The following TET2 variants were observed in gnomAD, a reference collection of about 807,000 sequenced individuals.
TET2 encodes methylcytosine dioxygenase TET2.
A neutral mutation model predicts 142.9 loss-of-function variants in TET2; 299 were observed. That is an observed-to-expected ratio of 2.09 (90% CI 1.90 to 2.30). TET2 has a LOEUF of 2.30. Among genes scored for constraint, TET2 ranks in the 30% most tolerant of loss-of-function variants. The probability of loss-of-function intolerance (pLI) is 0.00; values close to 1 mark genes in which losing one functional copy is unlikely to be tolerated. For missense variants in TET2, 2,418 were observed against 2,378.0 expected (o/e 1.02, Z -0.35); for synonymous variants, 819 against 849.0 (o/e 0.96, Z 0.61).
Position 105,235,329 on chromosome 4 carries a change from CCTAAT to C in TET2, c.1389_1393del (p.Asn464IlefsTer13). The C allele has an allele frequency of 6.2e-7, 1 of 1,614,068 alleles. No individual in the cohort carries two copies. The highest frequency in any genetic ancestry group is 8.5e-7 in the Non-Finnish European group (1 of 1,179,990). On this transcript the variant is annotated frameshift_variant, in exon 3 of 11. Transcript: ENST00000380013. LOFTEE classifies it high-confidence loss of function. ...ACCTGAGGCACCACCTTCCCAGAGT[CCTAAT>C]CCATCTACACATGTATGCAGCCCTT... is the stretch of plus-strand genomic sequence containing the variant.
At chr4:105,175,793 A>G (rs1481659923) in intron 1 of TET2, among the ~76,000 whole-genome samples, 3 of 152,188 alleles carry the variant, frequency 2.0e-5, no homozygotes, top group Admixed American at 1.3e-4. Flanking sequence ...TCAGAAAATC[A>G]AAGATTAAAA....
In TET2 at chr4:105,236,260, G is replaced by A. The variant is rs2110232952; in HGVS notation, c.2318G>A (p.Gly773Glu). 1.2e-6 allele frequency: 2 copies of A among 1,614,096 alleles called. No homozygotes were observed. The highest frequency in any genetic ancestry group is 1.3e-5 in the African/African-American group (1 of 75,030). ...AGCAACAATGATCAGCAAAGAGAAG[G>A]ATCATTCTTTGGCCAGACTAAAGTG... ...PQSNNDQQRE[G>E]SFFGQTKVEE... Residue 773 changes from glycine (G) to glutamate (E), a missense_variant, in exon 3 of 11, where the codon GGA becomes GAA. By Grantham distance (98) the Gly-to-Glu change is moderately conservative. Coordinates refer to ENST00000380013, the MANE Select transcript of TET2 (RefSeq NM_001127208.3).
chr4:105,229,460 G>A (rs191512769), intron 2 of TET2, among the ~76,000 whole-genome samples: 2 of 152,154 alleles, frequency 1.3e-5, no homozygotes, highest in East Asian at 1.9e-4. Flanking sequence ...ACAGGCATGC[G>A]CCACCATGCC....
chr4:105,151,072 C>T (rs924147368), intron 1 of TET2, among the ~76,000 whole-genome samples: 1 of 152,110 alleles, frequency 6.6e-6, no homozygotes, highest in African/African-American at 2.4e-5. Context: ...GTAATCCTAG[C>T]ACTTTGGGAG....
At chr4:105,270,871 CAG>C (rs930339327) in intron 9 of TET2, among the ~76,000 whole-genome samples, 1 of 152,046 alleles carries the variant, frequency 6.6e-6, no homozygotes, top group Non-Finnish European at 1.5e-5. Flanking sequence ...AATATGGAAA[CAG>C]ATATCAGGAA....
At chr4:105,159,015 A>G (rs1033218749) in intron 1 of TET2, among the ~76,000 whole-genome samples, 14 of 152,010 alleles carry the variant, frequency 9.2e-5, no homozygotes, top group Admixed American at 4.6e-4. Context: ...TACAAACACC[A>G]TCCTAGGATT....
chr4:105,193,236 A>G (rs981661116), intron 2 of TET2, among the ~76,000 whole-genome samples: 3 of 152,122 alleles, frequency 2.0e-5, no homozygotes, highest in African/African-American at 7.2e-5. Context: ...GAGGGGAAAC[A>G]GCATGAAATG....
Position 105,275,172 on chromosome 4 carries a change from A to C in TET2, c.4662A>C (p.Thr1554=), listed in dbSNP as rs1160112889. 1.3e-6 allele frequency: 2 copies of C among 1,552,080 alleles called. No homozygotes were observed. Among genetic ancestry groups the C allele is most frequent in the Admixed American group, 3.9e-5 (2 of 50,976 alleles). ...PQQQQPHHPQ[T]ESVNSYSASG... ...AGCAGCAGCCACATCACCCTCAGAC[A>C]GAGTCTGTCAACTCTTATTCTGCTT... Residue 1554 remains threonine, a synonymous_variant, in exon 11 of 11, where the codon ACA becomes ACC. Coordinates refer to ENST00000380013, the MANE Select transcript of TET2 (RefSeq NM_001127208.3).
chr4:105,165,338 T>A (rs1268232406), intron 1 of TET2, among the ~76,000 whole-genome samples: 1 of 152,108 alleles, frequency 6.6e-6, no homozygotes, highest in Non-Finnish European at 1.5e-5. Context: ...ATCGTGCCAT[T>A]GCACTCCAGC....
chr4:105,202,079 A>G (rs898710287), intron 2 of TET2, among the ~76,000 whole-genome samples: 1 of 152,060 alleles, frequency 6.6e-6, no homozygotes, highest in Non-Finnish European at 1.5e-5. Context: ...TCTGTCTTCC[A>G]GGTTTTTATG....
chr4:105,265,614 G>A (rs1730647407), intron 8 of TET2, among the ~76,000 whole-genome samples: 1 of 152,122 alleles, frequency 6.6e-6, no homozygotes, highest in African/African-American at 2.4e-5. Flanking sequence ...TATGAGGTTA[G>A]ATAGACAAAT....
chr4:105,244,594 T>C (rs71591755), intron 6 of TET2, among the ~76,000 whole-genome samples: 22,771 of 114,990 alleles, frequency 0.2, 2,913 homozygotes, highest in Non-Finnish European at 0.28. Flanking sequence ...ATGTTTTTTT[T>C]TTTTTTTTTT....
At chr4:105,261,350 A>C (rs1730416550) in intron 7 of TET2, among the ~76,000 whole-genome samples, 1 of 152,150 alleles carries the variant, frequency 6.6e-6, no homozygotes, top group South Asian at 2.1e-4. Flanking sequence ...AATTATTTAA[A>C]TACTATCTTT....
intron 1 of TET2, among the ~76,000 whole-genome samples, chr4:105,147,198 T>C (rs1232305420): frequency 6.6e-6 from 1 of 152,226 alleles, no homozygotes; most frequent in Admixed American, 6.5e-5. Flanking sequence ...TGTGTTCTCT[T>C]CTCTCCTCCT....
At chr4:105,220,721 C>G (rs1170085510) in intron 2 of TET2, among the ~76,000 whole-genome samples, 1 of 152,162 alleles carries the variant, frequency 6.6e-6, no homozygotes, top group African/African-American at 2.4e-5. Flanking sequence ...CGAATACTGG[C>G]TTTCTTGACA....
intron 2 of TET2, among the ~76,000 whole-genome samples, chr4:105,205,835 T>C (rs2110526941): frequency 6.6e-6 from 1 of 152,192 alleles, no homozygotes; most frequent in East Asian, 1.9e-4. Flanking sequence ...AGTTTCTCCA[T>C]GTTGGTCAGG....
At chr4:105,267,816 GAT>G (rs1167431095) in intron 8 of TET2, among the ~76,000 whole-genome samples, 11 of 151,488 alleles carry the variant, frequency 7.3e-5, no homozygotes, top group Non-Finnish European at 1.6e-4. Context: ...AAATTAAAAA[GAT>G]ATTTTTAACA....
In TET2 at chr4:105,276,634, G is replaced by A. The variant is rs1322713874; in HGVS notation, c.*115G>A. 3 of 1,252,342 alleles carry A rather than the reference G, an allele frequency of 2.4e-6. No homozygotes were observed. The highest frequency in any genetic ancestry group is 3.0e-5 in the African/African-American group (2 of 65,720). 77.6% of individuals were successfully genotyped at this position (1,252,342 alleles called of 1,614,324 possible). Reference sequence around the variant, plus strand: ...GGTCACAGTATTCATGACAAATGTGGTGGGAAAAACCTCAGCTCACCAGCA... The same window carrying A: ...GGTCACAGTATTCATGACAAATGTGATGGGAAAAACCTCAGCTCACCAGCA... On this transcript the variant is annotated 3_prime_UTR_variant, in exon 11 of 11. Coordinates refer to ENST00000380013, the MANE Select transcript of TET2 (RefSeq NM_001127208.3).
At chr4:105,176,875 GC>G (rs1377092021) in intron 1 of TET2, among the ~76,000 whole-genome samples, 2 of 152,112 alleles carry the variant, frequency 1.3e-5, no homozygotes, top group African/African-American at 4.8e-5. Flanking sequence ...TTACTATAAA[GC>G]TCAGATAATC....
Sources: gnomAD v4.1 joint callset for allele counts (sites outside exome capture counted in the v4.1 genomes callset) on GRCh38, gnomAD v4.1.1 for gene constraint, MANE v1.5 for transcripts, NCBI Gene and HGNC (gene_info 2026-07-23, HGNC 2026-07-21) for gene names.